Variants in CSMD3 observed in about 807,000 individuals in gnomAD.
CSMD3 encodes the protein CUB and sushi domain-containing protein 3.
CSMD3 carries 177 observed loss-of-function variants against 435.2 expected under a neutral mutation model. The ratio of observed to expected loss-of-function variants is 0.41; its 90% CI spans 0.36 to 0.46. The LOEUF (loss-of-function observed/expected upper bound fraction) is 0.46. Ranked by LOEUF, CSMD3 falls within the 20% of genes least tolerant of loss-of-function variation. The pLI is 0.34. For synonymous variants in CSMD3, 1,656 were observed against 1,520.5 expected, an observed-to-expected ratio of 1.09 and a Z score of -2.07; for missense variants, 4,265 against 4,504.6, an observed-to-expected ratio of 0.95 and a Z score of 1.52.
At chr8:113,224,816 C>G (rs1193669456) in intron 3 of CSMD3, among the ~76,000 whole-genome samples, 1 of 150,312 alleles carries the variant, frequency 6.7e-6, no homozygotes, top group Admixed American at 6.7e-5. Flanking sequence ...TAATTTTTCT[C>G]CTTATCTTCT....
intron 32 of CSMD3, among the ~76,000 whole-genome samples, chr8:112,415,154 C>T (rs1811770839): frequency 6.6e-6 from 1 of 152,194 alleles, no homozygotes; most frequent in African/African-American, 2.4e-5. Context: ...GAAGCCCCTC[C>T]CATCAAAGGC....
chr8:112,273,238 AT>A (rs1490651475), intron 59 of CSMD3, among the ~76,000 whole-genome samples: 2 of 152,034 alleles, frequency 1.3e-5, no homozygotes, highest in Admixed American at 6.6e-5. Context: ...TAAATAAAAG[AT>A]TGAGTTATTT....
chr8:112,936,468 A>T (rs2083283567), intron 9 of CSMD3, among the ~76,000 whole-genome samples: 1 of 152,136 alleles, frequency 6.6e-6, no homozygotes, highest in African/African-American at 2.4e-5. Flanking sequence ...AAGAATATTA[A>T]ACAGACTAAT....
intron 40 of CSMD3, among the ~76,000 whole-genome samples, chr8:112,349,846 T>C (rs559874263): frequency 5.3e-5 from 8 of 152,188 alleles, no homozygotes; most frequent in Non-Finnish European, 1.2e-4. Context: ...ATTGTGTGCA[T>C]TTTACGCAGA....
At chr8:112,566,507 T>A (rs1829076281) in intron 24 of CSMD3, among the ~76,000 whole-genome samples, 1 of 152,096 alleles carries the variant, frequency 6.6e-6, no homozygotes, top group Non-Finnish European at 1.5e-5. Flanking sequence ...TAAGAAATTA[T>A]TTAGGCAGAT....
chr8:112,423,842 C>T (rs970435410), intron 32 of CSMD3, among the ~76,000 whole-genome samples: 1 of 152,118 alleles, frequency 6.6e-6, no homozygotes, highest in Non-Finnish European at 1.5e-5. Context: ...TACCTCTTGT[C>T]CCAAAGCTTT....
At chr8:112,986,578 G>A (rs557057776) in intron 6 of CSMD3, among the ~76,000 whole-genome samples, 8 of 152,024 alleles carry the variant, frequency 5.3e-5, no homozygotes, top group South Asian at 4.2e-4. Flanking sequence ...TAAAACCATC[G>A]AATGCTCTAG....
rs2130957840 is a variant in CSMD3, at chr8:112,336,734, C to G, written c.6937G>C (p.Val2313Leu). The change falls in exon 44 of 71, where the codon GTA (valine) becomes CTA (leucine). Residue 2313 changes from valine to leucine, a missense_variant. Physicochemically the swap from Val to Leu is conservative, Grantham distance 32 (BLOSUM62 1). This residue lies in a region of CSMD3 where 3,255 missense variants were observed against 3,380.2 expected (regional missense o/e 0.96). Transcript: ENST00000297405. ...YPNFQDCFWLVRVPPGNGIYI... is the reference protein window; with the variant it reads ...YPNFQDCFWLLRVPPGNGIYI... ...ATGCCATTCCCAGGGGGTACTCTTACAAGCCAAAAACAATCTTGAAAGTTT... is the reference window on the plus strand; with the variant it reads ...ATGCCATTCCCAGGGGGTACTCTTAGAAGCCAAAAACAATCTTGAAAGTTT... The G allele has an allele frequency of 6.2e-7, 1 of 1,613,368 alleles. No homozygotes were observed. Among genetic ancestry groups the G allele is most frequent in the African/African-American group, 1.3e-5 (1 of 74,996 alleles).
intron 23 of CSMD3, among the ~76,000 whole-genome samples, chr8:112,582,165 A>G (rs1461057198): frequency 6.6e-6 from 1 of 151,996 alleles, no homozygotes; most frequent in African/African-American, 2.4e-5. Context: ...CAGTTAGTTC[A>G]CGTGAGATCT....
chr8:112,513,699 C>T lies in CSMD3; in HGVS notation c.4756+3335G>A, dbSNP rs538607725. On this transcript the variant is annotated intron_variant, in intron 28 of 70. Transcript: ENST00000297405. Reference sequence around the variant, plus strand: ...CAAAAACCTTCAATTTGTAAAAAAACGTAATATCTGTGGCATGCAATAAAG... The same window carrying T: ...CAAAAACCTTCAATTTGTAAAAAAATGTAATATCTGTGGCATGCAATAAAG... 2.2e-4 allele frequency among the ~76,000 whole-genome samples: 33 copies of T among 152,158 alleles called. No individual in the cohort carries two copies. In the South Asian group the frequency reaches 3.7e-3, roughly 17 times the overall value.
At chr8:113,001,386 A>C (rs1469922630) in intron 6 of CSMD3, among the ~76,000 whole-genome samples, 2 of 152,046 alleles carry the variant, frequency 1.3e-5, no homozygotes, top group Non-Finnish European at 2.9e-5. Context: ...CAAACTTGTT[A>C]AGCTTTTTCC....
intron 61 of CSMD3, among the ~76,000 whole-genome samples, chr8:112,261,782 TAGA>T (rs1816426029): frequency 6.6e-6 from 1 of 152,082 alleles, no homozygotes; most frequent in South Asian, 2.1e-4. Flanking sequence ...CATGAGTCTA[TAGA>T]AGTTTATGGT....
At chr8:113,113,573 A>G (rs2131607016) in intron 4 of CSMD3, among the ~76,000 whole-genome samples, 1 of 152,354 alleles carries the variant, frequency 6.6e-6, no homozygotes, top group South Asian at 2.1e-4. Flanking sequence ...GCTTCAGGGC[A>G]CCATCTTAAC....
intron 22 of CSMD3, among the ~76,000 whole-genome samples, chr8:112,632,552 G>A (rs1202043247): frequency 6.6e-6 from 1 of 151,972 alleles, no homozygotes; most frequent in East Asian, 1.9e-4. Context: ...TATTTAACTT[G>A]CTAATCTACT....
At chr8:112,267,152 T>G (rs1251384207) in intron 59 of CSMD3, among the ~76,000 whole-genome samples, 1 of 152,168 alleles carries the variant, frequency 6.6e-6, no homozygotes, top group Non-Finnish European at 1.5e-5. Context: ...TATGTTATCA[T>G]TAAGAATGAT....
At chr8:113,435,049 G>A (rs1378990014) in intron 1 of CSMD3, among the ~76,000 whole-genome samples, 1 of 152,192 alleles carries the variant, frequency 6.6e-6, no homozygotes, top group Non-Finnish European at 1.5e-5. Context: ...GCAGCCCCAG[G>A]GCCATCCATT....
intron 7 of CSMD3, among the ~76,000 whole-genome samples, chr8:112,966,768 A>G (rs1384952824): frequency 6.6e-6 from 1 of 151,814 alleles, no homozygotes; most frequent in Non-Finnish European, 1.5e-5. Flanking sequence ...GGTTGCCAAA[A>G]CTAATTAGTG....
chr8:113,071,899 G>A (rs2089138229), intron 5 of CSMD3, among the ~76,000 whole-genome samples: 1 of 151,486 alleles, frequency 6.6e-6, no homozygotes, highest in Non-Finnish European at 1.5e-5. Context: ...GATCACTTTG[G>A]GTATTATGGG....
rs1825652892 is a variant in CSMD3, at chr8:112,346,214, C to A, written c.6326-1G>T. On this transcript the variant is annotated splice_acceptor_variant, in intron 40 of 70. Coordinates refer to ENST00000297405, the MANE Select transcript of CSMD3 (RefSeq NM_198123.2). LOFTEE classifies it high-confidence loss of function. The stretch of plus-strand genomic sequence containing the variant: ...TCTGACATAGCACCACCACACTGAG[C>A]TGCAAAATAACAGAAATCCAAAGTA... 1 of 1,577,010 alleles carries A rather than the reference C, an allele frequency of 6.3e-7. No homozygotes were observed. The highest frequency in any genetic ancestry group is 8.7e-7 in the Non-Finnish European group (1 of 1,146,388).
Sources: allele counts gnomAD v4.1 joint callset (sites outside exome capture counted in the v4.1 genomes callset), GRCh38; gene constraint gnomAD v4.1.1; regional missense constraint gnomAD v4.1.1; transcripts MANE v1.5; gene names NCBI Gene and HGNC (gene_info 2026-07-23, HGNC 2026-07-21).